The following PROC variants were observed in gnomAD, a reference collection of about 807,000 sequenced individuals.
The protein encoded by PROC is vitamin K-dependent protein C.
In PROC, 22 loss-of-function variants were observed where a neutral mutation model predicts 36.3. That is an observed-to-expected ratio of 0.61 (90% CI 0.43 to 0.86). The LOEUF is 0.86. Ranked by LOEUF, PROC falls within the 40% of genes least tolerant of loss-of-function variation. PROC has a pLI of 0.00. For missense variants in PROC, 526 were observed against 629.7 expected (o/e 0.84, Z 1.76); for synonymous variants, 218 against 244.5 (o/e 0.89, Z 1.01).
intron 6 of PROC, among the ~76,000 whole-genome samples, chr2:127,424,601 G>A (rs1390730332): frequency 6.6e-6 from 1 of 152,226 alleles, no homozygotes; most frequent in Non-Finnish European, 1.5e-5. Flanking sequence ...CACTTTGAGA[G>A]GCTGAGGTGG....
chr2:127,425,542 CT>C (rs1688436361), intron 6 of PROC, among the ~76,000 whole-genome samples: 1 of 152,222 alleles, frequency 6.6e-6, no homozygotes, highest in Admixed American at 6.5e-5. Flanking sequence ...CCTGTAATTC[CT>C]TTCCTCTGTG....
Position 127,426,530 on chromosome 2 carries a change from G to A in PROC, c.678+303G>A. ...CGGGATTTTAGGCAGAAGCCCTGCTGATGGGAGAGGGCTAGGAGGGAGGGC... is the reference window on the plus strand; with the variant it reads ...CGGGATTTTAGGCAGAAGCCCTGCTAATGGGAGAGGGCTAGGAGGGAGGGC... On this transcript the variant is annotated intron_variant, in intron 7 of 8. Transcript: ENST00000234071. The surrounding 1 kb of genome is among the most constrained non-coding windows in gnomAD (Gnocchi z 7.0). 1 of 451,576 alleles carries A rather than the reference G, an allele frequency of 2.2e-6. No homozygotes were observed. The highest frequency in any genetic ancestry group is 3.4e-5 in the Admixed American group (1 of 29,028). The allele number at this position is 451,576 out of a possible 1,614,324, so 28.0% of individuals were successfully genotyped here. A position where few individuals can be genotyped will look rare whatever the true frequency, so the allele number is the denominator to read the frequency against.
In PROC at chr2:127,428,473, C is replaced by T; in HGVS notation, c.913C>T (p.Leu305=). 6.2e-7 allele frequency: 1 copy of T among 1,614,196 alleles called. No homozygotes were observed. Among genetic ancestry groups the T allele is most frequent in the South Asian group, 1.1e-5 (1 of 91,088 alleles). ...TTDNDIALLH[L]AQPATLSQTI... ...CGACAATGACATCGCACTGCTGCAC[C>T]TGGCCCAGCCCGCCACCCTCTCGCA... Residue 305 remains leucine (L), a synonymous_variant, in exon 9 of 9, where the codon CTG becomes TTG. Transcript: ENST00000234071.
At chr2:127,422,808 C>A in intron 3 of PROC, 109 bp from the exon 4 acceptor site, 1 of 1,444,732 alleles carries the variant, frequency 6.9e-7, no homozygotes, top group Non-Finnish European at 9.4e-7. Context: ...CCCTGTTTGT[C>A]TGGAAGCCCT....
At chr2:127,423,484 C>CG (rs796113795) in intron 6 of PROC, 76 bp downstream of exon 6, 16 of 1,512,410 alleles carry the variant, frequency 1.1e-5, no homozygotes, top group East Asian at 2.5e-5. Context: ...GGGCGCGGCG[C>CG]GGGGGGCTCA....
intron 2 of PROC, among the ~76,000 whole-genome samples, chr2:127,420,338 CCAGGCTACCGTCCACACTATCCAGCA>C (rs1204914451): frequency 3.3e-5 from 5 of 152,146 alleles, no homozygotes; most frequent in Non-Finnish European, 7.4e-5. Flanking sequence ...GACCCCAGGC[CCAGGCTACCGTCCACACTATCCAGCA>C]CAGCCTCCCC....
Position 127,424,192 on chromosome 2 carries a change from ACTTT to A in PROC, c.535+789_535+792del, listed in dbSNP as rs1295070037. On this transcript the variant is annotated intron_variant, in intron 6 of 8. Transcript: ENST00000234071. The stretch of plus-strand genomic sequence containing the variant: ...TTGACTTTGTGTTTTCTTTCAGGGA[ACTTT>A]CTTTTTTTTCTTTTTTTTTGAGATG... Among the ~76,000 whole-genome samples the A allele has an allele frequency of 2.7e-5, 4 of 150,038 alleles. 1 individual carries two copies. The highest frequency in any genetic ancestry group is 4.2e-4 in the South Asian group (2 of 4,750).
chr2:127,420,427 T>G (rs113527505), intron 2 of PROC, among the ~76,000 whole-genome samples: 2 of 151,994 alleles, frequency 1.3e-5, no homozygotes, highest in African/African-American at 4.8e-5. Context: ...CCTTTCCTGG[T>G]CTCCACAGCC....
intron 8 of PROC, 118 bp downstream of exon 8, chr2:127,427,340 C>A: frequency 3.4e-6 from 3 of 881,940 alleles, no homozygotes; most frequent in Non-Finnish European, 5.5e-6. Context: ...GCTTCTTGAG[C>A]TCCACAGAAG....
chr2:127,428,058 T>G (rs1688638632), intron 8 of PROC, among the ~76,000 whole-genome samples: 1 of 152,164 alleles, frequency 6.6e-6, no homozygotes, highest in Non-Finnish European at 1.5e-5. Context: ...TGCTGCCCAT[T>G]CCTTCTCTGG....
chr2:127,420,058 A>G, intron 2 of PROC, 46 bp downstream of exon 2: 1 of 1,602,160 alleles, frequency 6.2e-7, no homozygotes, highest in Non-Finnish European at 8.5e-7. Flanking sequence ...GGCCTCTACA[A>G]GGCCCTGGTG....
rs776989481 is a variant in PROC at position 127,426,039 on chromosome 2, C to T, written c.536-46C>T. 9 of 1,612,774 alleles carry T rather than the reference C, an allele frequency of 5.6e-6. No individual in the cohort carries two copies. Among genetic ancestry groups the T allele is most frequent in the Non-Finnish European group, 7.6e-6 (9 of 1,179,440 alleles). On this transcript the variant is annotated intron_variant, in intron 6 of 8. Coordinates refer to ENST00000234071, the MANE Select transcript of PROC (RefSeq NM_000312.4). The surrounding 1 kb of genome is among the most constrained non-coding windows in gnomAD (Gnocchi z 7.0). ...GAGGACCAAGACAGGAGGGCAGTCT[C>T]GGGAGGAGTGCCTGGCAGGCCCCTC...
rs758788677 is a variant in PROC at position 127,428,777 on chromosome 2, T to C, written c.1217T>C (p.Met406Thr). 1 of 1,612,436 alleles carries C rather than the reference T, an allele frequency of 6.2e-7. No homozygotes were observed. Among genetic ancestry groups the C allele is most frequent in the Non-Finnish European group, 8.5e-7 (1 of 1,179,328 alleles). Residue 406 changes from methionine to threonine, a missense_variant, in exon 9 of 9, where the codon ATG becomes ACG. Met to Thr is a moderately conservative substitution (Grantham distance 81). Transcript: ENST00000234071. ...DACEGDSGGP[M>T]VASFHGTWFL... ...TGCGAGGGCGACAGTGGGGGGCCCA[T>C]GGTCGCCTCCTTCCACGGCACCTGG...
chr2:127,423,019 C>G lies in PROC; in HGVS notation c.263-15C>G. 2 of 1,612,568 alleles carry G rather than the reference C, an allele frequency of 1.2e-6. No homozygotes were observed. On this transcript the variant is annotated splice_polypyrimidine_tract_variant and intron_variant, in intron 4 of 8. Transcript: ENST00000234071. ...ATCTCTGGCCGCTGACCCCCTACCC[C>G]GCCTTGTGTCGCAGACGGTGACCAG... is the stretch of plus-strand genomic sequence containing the variant.
Position 127,427,132 on chromosome 2 carries a change from C to A in PROC, c.706C>A (p.Leu236Met). The A allele has an allele frequency of 2.5e-6, 4 of 1,613,958 alleles. No individual in the cohort carries two copies. The highest frequency in any genetic ancestry group is 3.4e-6 in the Non-Finnish European group (4 of 1,179,984). ...QVVLLDSKKK[L>M]ACGAVLIHPS... ...GGTCCTGCTGGACTCAAAGAAGAAG[C>A]TGGCCTGCGGGGCAGTGCTCATCCA... Residue 236 changes from leucine to methionine, a missense_variant, in exon 8 of 9, where the codon CTG (leucine) becomes ATG (methionine). Coordinates refer to ENST00000234071, the MANE Select transcript of PROC (RefSeq NM_000312.4).
At chr2:127,425,983 G>A (rs1688467908) in intron 6 of PROC, 102 bp from the exon 7 acceptor site, 1 of 1,401,366 alleles carries the variant, frequency 7.1e-7, no homozygotes, top group Admixed American at 1.7e-5. Context: ...CTTGAACCCT[G>A]CACTGTGGCA....
At position 127,423,418 on chromosome 2, in the gene PROC, C is replaced by A. The variant is rs779202072; in HGVS notation, c.535+10C>A. ...CAGTGTCACCCCGCAGGTGAGAAGCCCCCAATACATCGCCCAGGAATCACG... is the reference window on the plus strand; with the variant it reads ...CAGTGTCACCCCGCAGGTGAGAAGCACCCAATACATCGCCCAGGAATCACG... On this transcript the variant is annotated intron_variant, in intron 6 of 8. Transcript: ENST00000234071. 12 of 1,547,462 alleles carry A rather than the reference C, an allele frequency of 7.8e-6. No individual in the cohort carries two copies. The African/African-American group carries it at 1.5e-4, about 19-fold the overall frequency.
In PROC at chr2:127,423,156, C is replaced by A; in HGVS notation, c.385C>A (p.Arg129Ser). 5 of 1,594,044 alleles carry A rather than the reference C, an allele frequency of 3.1e-6. No homozygotes were observed. The highest frequency in any genetic ancestry group is 4.3e-6 in the Non-Finnish European group (5 of 1,169,696). The change falls in exon 5 of 9, where the codon CGC becomes AGC. Residue 129 changes from arginine (R) to serine (S), a missense_variant. By Grantham distance (110) the Arg-to-Ser change is moderately radical (BLOSUM62 -1). Transcript: ENST00000234071. ...SCDCRSGWEG[R>S]FCQREVSFLN... Reference sequence around the variant, plus strand: ...CGACTGCCGCAGCGGCTGGGAGGGCCGCTTCTGCCAGCGCGGTGAGGGGGA... The same window carrying A: ...CGACTGCCGCAGCGGCTGGGAGGGCAGCTTCTGCCAGCGCGGTGAGGGGGA...
At position 127,426,851 on chromosome 2, in the gene PROC, C is replaced by T. The variant is rs114118852; in HGVS notation, c.679-254C>T. 3.5e-3 allele frequency among the ~76,000 whole-genome samples: 533 copies of T among 152,336 alleles called. 2 individuals carry two copies. Among genetic ancestry groups the T allele is most frequent in the Non-Finnish European group, 6.6e-3 (449 of 68,036 alleles). ...AGCCTCTAAGGATGAGAGGAGCTCG[C>T]TGGGCGATGTTGGGTGTGGCTGAGG... On this transcript the variant is annotated intron_variant, in intron 7 of 8. Transcript: ENST00000234071. This position sits in a 1 kb window ranked among gnomAD's most constrained non-coding sequence, Gnocchi z 7.0.
Sources: gnomAD v4.1 joint callset for allele counts (sites outside exome capture counted in the v4.1 genomes callset) on GRCh38, gnomAD v4.1.1 for gene constraint, Gnocchi (gnomAD v3.1) non-coding constraint, MANE v1.5 for transcripts, NCBI Gene and HGNC (gene_info 2026-07-23, HGNC 2026-07-21) for gene names.